The following CALN1 variants were observed in gnomAD, a reference collection of about 807,000 sequenced individuals.
CALN1 encodes the protein calneuron 1, also known as calcium-binding protein 8.
Under a neutral mutation model 30.6 loss-of-function variants are expected in CALN1, and 17 were observed. The ratio of observed to expected loss-of-function variants is 0.56; its 90% CI spans 0.38 to 0.83. The LOEUF (loss-of-function observed/expected upper bound fraction) is 0.83. Ranked by LOEUF, CALN1 falls within the 40% of genes least tolerant of loss-of-function variation. The probability of loss-of-function intolerance (pLI) is 0.00; values close to 1 mark genes in which losing one functional copy is unlikely to be tolerated. For missense variants in CALN1, 291 were observed against 354.9 expected (o/e 0.82, Z 1.45); for synonymous variants, 156 against 131.4 (o/e 1.19, Z -1.28).
At chr7:72,241,090 T>C (rs2129551307) in intron 3 of CALN1, among the ~76,000 whole-genome samples, 1 of 152,338 alleles carries the variant, frequency 6.6e-6, no homozygotes, top group East Asian at 1.9e-4. Context: ...TAGCCTTTAC[T>C]ACATTCTCTG....
At chr7:72,396,458 T>C (rs1019365675) in intron 2 of CALN1, among the ~76,000 whole-genome samples, 5 of 144,292 alleles carry the variant, frequency 3.5e-5, no homozygotes, top group Non-Finnish European at 6.0e-5. Flanking sequence ...AGTGGAGAAA[T>C]AGAGCAATGT....
intron 3 of CALN1, among the ~76,000 whole-genome samples, chr7:72,263,325 C>A (rs927368361): frequency 6.6e-6 from 1 of 152,136 alleles, no homozygotes; most frequent in African/African-American, 2.4e-5. Flanking sequence ...GTGAGAAAAT[C>A]AAAACTTGTG....
intron 1 of CALN1, among the ~76,000 whole-genome samples, chr7:72,445,189 A>C (rs1435675563): frequency 6.6e-6 from 1 of 152,152 alleles, no homozygotes; most frequent in East Asian, 1.9e-4. Context: ...TGATACAAAA[A>C]CACAGTTAGT....
intron 3 of CALN1, among the ~76,000 whole-genome samples, chr7:72,235,534 A>G (rs906614335): frequency 6.6e-6 from 1 of 152,098 alleles, no homozygotes; most frequent in African/African-American, 2.4e-5. Context: ...GCCCCAGCAG[A>G]AAGAGTCCCA....
At chr7:72,143,150 G>A (rs1810080122) in intron 3 of CALN1, among the ~76,000 whole-genome samples, 1 of 152,218 alleles carries the variant, frequency 6.6e-6, no homozygotes, top group Non-Finnish European at 1.5e-5. Flanking sequence ...GTTGAGAGAA[G>A]AAGGCTACAG....
In CALN1 at chr7:72,295,216, A is replaced by G. The variant is rs1278108186; in HGVS notation, c.120-16406T>C. On this transcript the variant is annotated intron_variant, in intron 2 of 6. Transcript: ENST00000395275. ...ATTGAAAATTTTATTATATTCCCCTAAATATTTCCTAGGTCAATGTTTAAA... is the reference window on the plus strand; with the variant it reads ...ATTGAAAATTTTATTATATTCCCCTGAATATTTCCTAGGTCAATGTTTAAA... Among the ~76,000 whole-genome samples, 3 of 152,212 alleles carry G rather than the reference A, an allele frequency of 2.0e-5. No homozygotes were observed. In the East Asian group the frequency reaches 5.8e-4, roughly 29 times the overall value.
chr7:72,205,184 T>G (rs1391868998), intron 3 of CALN1, among the ~76,000 whole-genome samples: 1 of 152,006 alleles, frequency 6.6e-6, no homozygotes, highest in Non-Finnish European at 1.5e-5. Context: ...CCTCAGTTTT[T>G]TTGTTTTTAT....
At position 71,790,368 on chromosome 7, in the gene CALN1, AAAAGAAAGAAAGAAAGAAAGAAAGAAAG is replaced by A. The variant is rs66616944; in HGVS notation, c.659-2494_659-2467del. Among the ~76,000 whole-genome samples the A allele has an allele frequency of 9.7e-5, 12 of 123,680 alleles. 1 individual carries two copies. The highest frequency in any genetic ancestry group is 6.7e-4 in the Admixed American group (8 of 11,874). The allele number at this position is 123,680 out of a possible 152,430, so 81.1% of individuals were successfully genotyped here. ...AAAGAAAAGAAAGAAAGAAAGAAAG[AAAAGAAAGAAAGAAAGAAAGAAAGAAAG>A]AAAGAAAGAAAGAAAGAAAGAAAGA... On this transcript the variant is annotated intron_variant, in intron 6 of 6. Coordinates refer to ENST00000395275, the MANE Select transcript of CALN1 (RefSeq NM_031468.4).
intron 3 of CALN1, among the ~76,000 whole-genome samples, chr7:72,209,982 T>G (rs998531667): frequency 2.0e-5 from 3 of 152,114 alleles, no homozygotes; most frequent in African/African-American, 7.2e-5. Context: ...TAAAACAAAG[T>G]CATAAGAGGG....
chr7:72,115,423 C>G (rs1403795364), intron 3 of CALN1, among the ~76,000 whole-genome samples: 2 of 147,968 alleles, frequency 1.4e-5, no homozygotes, highest in African/African-American at 5.0e-5. Context: ...ATATAATTTA[C>G]CATCTTTGCC....
intron 5 of CALN1, among the ~76,000 whole-genome samples, chr7:71,935,163 A>C (rs548113888): frequency 6.0e-4 from 91 of 152,266 alleles, no homozygotes; most frequent in African/African-American, 2.1e-3. Context: ...AGAGTAGATG[A>C]AAAAGCTTGA....
chr7:72,064,827 A>C (rs1283422101), intron 4 of CALN1, among the ~76,000 whole-genome samples: 1 of 152,000 alleles, frequency 6.6e-6, no homozygotes, highest in East Asian at 1.9e-4. Context: ...AGGGACACTC[A>C]ACTTGCATAG....
At chr7:72,254,275 T>A (rs1795763213) in intron 3 of CALN1, among the ~76,000 whole-genome samples, 2 of 152,222 alleles carry the variant, frequency 1.3e-5, no homozygotes, top group Non-Finnish European at 2.9e-5. Context: ...TATAGCTGCC[T>A]TCTCTACAGA....
At chr7:72,477,211 C>CAAAAAAAA in the CALN1 span, among the ~76,000 whole-genome samples, 13,691 of 146,602 alleles carry the variant, frequency 0.093, 1,074 homozygotes, top group African/African-American at 0.23. Flanking sequence ...ACTGTCTCAA[C>CAAAAAAAA]AAAAAAAGAA....
At chr7:72,407,043 G>T (rs1806744030) in intron 1 of CALN1, among the ~76,000 whole-genome samples, 1 of 152,166 alleles carries the variant, frequency 6.6e-6, no homozygotes, top group South Asian at 2.1e-4. Context: ...CACCCAAAAA[G>T]TGATGTAGCC....
intron 2 of CALN1, among the ~76,000 whole-genome samples, chr7:72,365,184 AAT>A (rs1803808632): frequency 6.6e-6 from 1 of 152,144 alleles, no homozygotes; most frequent in Non-Finnish European, 1.5e-5. Flanking sequence ...ATATGACTGT[AAT>A]CCCACCTACT....
intron 5 of CALN1, among the ~76,000 whole-genome samples, chr7:71,988,440 C>T (rs1213488034): frequency 6.6e-6 from 1 of 152,092 alleles, no homozygotes; most frequent in Non-Finnish European, 1.5e-5. Flanking sequence ...AAGGCATAGC[C>T]GGTGCCCCAA....
chr7:72,204,383 T>A (rs977126190), intron 3 of CALN1, among the ~76,000 whole-genome samples: 2 of 151,766 alleles, frequency 1.3e-5, no homozygotes, highest in African/African-American at 2.4e-5. Flanking sequence ...CAAATTTCCA[T>A]GTGAAAAAAA....
chr7:71,902,404 A>G (rs1793909642), intron 5 of CALN1, among the ~76,000 whole-genome samples: 1 of 152,226 alleles, frequency 6.6e-6, no homozygotes, highest in Non-Finnish European at 1.5e-5. Context: ...TATTAGTAAT[A>G]AATAACAGTA....
Sources: allele counts gnomAD v4.1 joint callset (sites outside exome capture counted in the v4.1 genomes callset), GRCh38; gene constraint gnomAD v4.1.1; transcripts MANE v1.5; gene names NCBI Gene and HGNC (gene_info 2026-07-23, HGNC 2026-07-21).